Variants in MARCHF1 observed in about 807,000 individuals in gnomAD.
MARCHF1 encodes the protein membrane associated ring-CH-type finger 1, also known as E3 ubiquitin-protein ligase MARCHF1.
MARCHF1 carries 40 observed loss-of-function variants against 54.2 expected under a neutral mutation model. The observed-to-expected ratio is 0.74, with a 90% CI of 0.57 to 0.96. MARCHF1 has a LOEUF of 0.96. Among genes scored for constraint, MARCHF1 ranks in the 40% least tolerant of loss-of-function variants. The pLI is 0.00. For missense variants in MARCHF1, 586 were observed against 656.5 expected (o/e 0.89, Z 1.17); for synonymous variants, 236 against 236.3 (o/e 1.00, Z 0.01).
intron 4 of MARCHF1, among the ~76,000 whole-genome samples, chr4:163,844,923 A>T (rs995369209): frequency 7.7e-4 from 118 of 152,320 alleles, no homozygotes; most frequent in African/African-American, 2.8e-3. Context: ...ATGCTATATC[A>T]TGTAACTGTC....
intron 2 of MARCHF1, among the ~76,000 whole-genome samples, chr4:164,052,120 A>G (rs1754380925): frequency 6.7e-6 from 1 of 149,454 alleles, no homozygotes; most frequent in African/African-American, 2.5e-5. Flanking sequence ...AGGCATTTCT[A>G]CACATCTTTT....
chr4:163,950,171 C>T (rs971520327), intron 3 of MARCHF1, among the ~76,000 whole-genome samples: 15 of 152,138 alleles, frequency 9.9e-5, no homozygotes, highest in Non-Finnish European at 1.6e-4. Flanking sequence ...TGCCTCCTGC[C>T]GCCATTAACT....
At chr4:164,005,132 A>T (rs1753261148) in intron 2 of MARCHF1, among the ~76,000 whole-genome samples, 1 of 152,090 alleles carries the variant, frequency 6.6e-6, no homozygotes, top group Admixed American at 6.6e-5. Flanking sequence ...AAACATTACT[A>T]TATATTTAAC....
chr4:164,311,602 A>T (rs1734851128), intron 1 of MARCHF1, among the ~76,000 whole-genome samples: 1 of 152,176 alleles, frequency 6.6e-6, no homozygotes, highest in African/African-American at 2.4e-5. Flanking sequence ...AAGAAAAAAA[A>T]TATGGTTCTA....
intron 4 of MARCHF1, among the ~76,000 whole-genome samples, chr4:163,768,652 A>G (rs148102637): frequency 7.2e-5 from 11 of 152,300 alleles, no homozygotes; most frequent in African/African-American, 1.7e-4. Flanking sequence ...GAGCTTGAAT[A>G]TATTTCAAAG....
intron 3 of MARCHF1, among the ~76,000 whole-genome samples, chr4:163,886,366 T>C (rs1392701206): frequency 4.0e-5 from 6 of 151,350 alleles, no homozygotes; most frequent in East Asian, 3.9e-4. Flanking sequence ...TAGATAGATA[T>C]AGACAGATAG....
chr4:164,266,222 T>A (rs574487579), intron 1 of MARCHF1, among the ~76,000 whole-genome samples: 2 of 152,360 alleles, frequency 1.3e-5, no homozygotes, highest in South Asian at 4.1e-4. Flanking sequence ...GTTTACCTTT[T>A]CCTGGATACA....
At chr4:163,818,158 C>T (rs1342142724) in intron 4 of MARCHF1, among the ~76,000 whole-genome samples, 1 of 152,012 alleles carries the variant, frequency 6.6e-6, no homozygotes, top group Admixed American at 6.6e-5. Context: ...GAAATGATTA[C>T]TTAGATATTT....
chr4:163,939,804 A>C (rs1194489943), intron 3 of MARCHF1, among the ~76,000 whole-genome samples: 1 of 152,188 alleles, frequency 6.6e-6, no homozygotes, highest in Non-Finnish European at 1.5e-5. Context: ...TGATGTCAGC[A>C]TAACATGCCG....
chr4:163,549,526 T>C (rs1739030021), intron 8 of MARCHF1, among the ~76,000 whole-genome samples: 1 of 152,174 alleles, frequency 6.6e-6, no homozygotes, highest in Admixed American at 6.5e-5. Flanking sequence ...AGTCTTCAAG[T>C]TCTCCTTTAT....
rs550233150 is a variant in MARCHF1 at position 164,351,056 on chromosome 4, A to G, written c.-323+32814T>C. 1.4e-4 allele frequency among the ~76,000 whole-genome samples: 21 copies of G among 152,308 alleles called. No homozygotes were observed. In the South Asian group the frequency reaches 4.1e-3, roughly 30 times the overall value. ...ACCCGAATACTGCGCTTTTCAGACC[A>G]GCTTAAAAAACGGCGCACCACAAGA... is the stretch of plus-strand genomic sequence containing the variant. On this transcript the variant is annotated intron_variant, in intron 1 of 9. Coordinates refer to ENST00000514618, the MANE Select transcript of MARCHF1 (RefSeq NM_001394959.1).
intron 3 of MARCHF1, among the ~76,000 whole-genome samples, chr4:163,892,325 CTG>C (rs1403048616): frequency 2.0e-5 from 3 of 151,698 alleles, no homozygotes; most frequent in African/African-American, 4.8e-5. Context: ...TTAGGCAGAC[CTG>C]TAATATTCAG....
chr4:163,543,021 G>A (rs1353617789), intron 9 of MARCHF1, among the ~76,000 whole-genome samples: 1 of 152,114 alleles, frequency 6.6e-6, no homozygotes. Flanking sequence ...CAAGGGCCTG[G>A]ATATAGATTT....
chr4:164,003,544 G>A (rs1279150391), intron 2 of MARCHF1, among the ~76,000 whole-genome samples: 1 of 151,894 alleles, frequency 6.6e-6, no homozygotes, highest in Non-Finnish European at 1.5e-5. Context: ...AAATCAAATA[G>A]TACTAGAAAT....
intron 1 of MARCHF1, among the ~76,000 whole-genome samples, chr4:164,152,372 TTA>T (rs1426032534): frequency 1.3e-5 from 2 of 152,220 alleles, no homozygotes; most frequent in East Asian, 3.9e-4. Context: ...CTCCGATTTT[TTA>T]TCTTACCCAA....
chr4:164,260,712 T>C (rs1252278103), intron 1 of MARCHF1, among the ~76,000 whole-genome samples: 2 of 152,240 alleles, frequency 1.3e-5, no homozygotes, highest in Non-Finnish European at 2.9e-5. Context: ...TCATTAGACC[T>C]ACAAAATCGA....
intron 3 of MARCHF1, among the ~76,000 whole-genome samples, chr4:163,872,819 C>T (rs1042681821): frequency 5.3e-5 from 8 of 151,428 alleles, no homozygotes; most frequent in Admixed American, 2.6e-4. Flanking sequence ...CAGAGGCGGG[C>T]GGATCATGAG....
At chr4:163,914,471 T>C (rs954484649) in intron 3 of MARCHF1, among the ~76,000 whole-genome samples, 1 of 152,046 alleles carries the variant, frequency 6.6e-6, no homozygotes, top group Non-Finnish European at 1.5e-5. Context: ...GGAGCAAGTA[T>C]AACATATATG....
chr4:163,608,257 T>C (rs1741208550), intron 7 of MARCHF1, among the ~76,000 whole-genome samples: 1 of 151,972 alleles, frequency 6.6e-6, no homozygotes, highest in Admixed American at 6.6e-5. Context: ...AGAAATGGCA[T>C]TTAAACTGAG....
Sources: gnomAD v4.1 joint callset for allele counts (sites outside exome capture counted in the v4.1 genomes callset) on GRCh38, gnomAD v4.1.1 for gene constraint, MANE v1.5 for transcripts, NCBI Gene and HGNC (gene_info 2026-07-23, HGNC 2026-07-21) for gene names.